ZPLD1: variants seen among roughly 807,000 people sequenced by gnomAD.
ZPLD1 encodes the protein zona pellucida like domain containing 1.
Under a neutral mutation model 47.2 loss-of-function variants are expected in ZPLD1, and 34 were observed. The observed-to-expected ratio is 0.72, with a 90% CI of 0.55 to 0.96. ZPLD1 has a LOEUF of 0.96. Ranked by LOEUF, ZPLD1 falls within the 40% of genes least tolerant of loss-of-function variation. The pLI, the probability that ZPLD1 is intolerant of heterozygous loss-of-function variation, is 0.00. For missense variants in ZPLD1, 512 were observed against 505.8 expected, an observed-to-expected ratio of 1.01 and a Z score of -0.12; for synonymous variants, 176 against 186.2, an observed-to-expected ratio of 0.95 and a Z score of 0.45.
chr3:102,388,342 C>T lies in ZPLD1; in HGVS notation c.-213+3025C>T, dbSNP rs1706456315. Among the ~76,000 whole-genome samples, 3 of 151,950 alleles carry T rather than the reference C, an allele frequency of 2.0e-5. No homozygotes were observed. The South Asian group carries it at 6.2e-4, about 31-fold the overall frequency. On this transcript the variant is annotated intron_variant, in intron 6 of 17. Coordinates refer to the ZPLD1 transcript ENST00000491959. Reference sequence around the variant, plus strand: ...GTAATTTTTGGCAATGTTTTACAATCTTTATCTTCAATTATTTTATAACTT... The same window carrying T: ...GTAATTTTTGGCAATGTTTTACAATTTTTATCTTCAATTATTTTATAACTT...
At chr3:102,416,209 C>T (rs1706802674) in intron 7 of ZPLD1, among the ~76,000 whole-genome samples, 2 of 151,810 alleles carry the variant, frequency 1.3e-5, no homozygotes, top group Non-Finnish European at 2.9e-5. Context: ...AAAATAGTAA[C>T]AAATAATGTC....
chr3:102,411,867 T>G lies in ZPLD1; in HGVS notation c.-156-6193T>G, dbSNP rs139858098. The stretch of plus-strand genomic sequence containing the variant: ...AACCAATAGGGTATATCTCTGTCGA[T>G]CTCAATGTCTTAATGTCTCTCTATC... On this transcript the variant is annotated intron_variant, in intron 7 of 17. Coordinates refer to the ZPLD1 transcript ENST00000491959. 9.4e-3 allele frequency among the ~76,000 whole-genome samples: 1,425 copies of G among 151,906 alleles called. 24 individuals carry two copies. Among genetic ancestry groups the G allele is most frequent in the African/African-American group, 0.033 (1,368 of 41,492 alleles).
intron 7 of ZPLD1, among the ~76,000 whole-genome samples, chr3:102,392,446 C>A (rs1402225857): frequency 6.6e-6 from 1 of 151,990 alleles, no homozygotes; most frequent in Non-Finnish European, 1.5e-5. Flanking sequence ...CTATAGAGTT[C>A]CAAGGTGGTG....
intron 4 of ZPLD1, 54 bp from the exon 5 acceptor site, chr3:102,456,139 C>T (rs1180033253): frequency 2.7e-6 from 4 of 1,458,806 alleles, no homozygotes; most frequent in African/African-American, 2.8e-5. Flanking sequence ...ATATGAAGTG[C>T]CTAGATGTAT....
chr3:102,417,431 A>G (rs1034056008), intron 7 of ZPLD1, among the ~76,000 whole-genome samples: 1 of 151,850 alleles, frequency 6.6e-6, no homozygotes, highest in African/African-American at 2.4e-5. Flanking sequence ...TAGCTTATGG[A>G]GTGGAATGCT....
intron 3 of ZPLD1, among the ~76,000 whole-genome samples, chr3:102,446,705 A>G (rs1707260567): frequency 1.3e-5 from 2 of 152,274 alleles, no homozygotes; most frequent in Non-Finnish European, 1.5e-5. Flanking sequence ...AGTTGGAACT[A>G]TTTTATTTCT....
intron 11 of ZPLD1, 96 bp from the exon 12 acceptor site, chr3:102,477,347 G>A (rs1396360256): frequency 1.6e-6 from 2 of 1,233,912 alleles, no homozygotes; most frequent in Non-Finnish European, 2.3e-6. Context: ...TATTCTATGA[G>A]ATGCTGATGA....
At chr3:102,415,858 G>T (rs1239218670) in intron 7 of ZPLD1, among the ~76,000 whole-genome samples, 1 of 151,816 alleles carries the variant, frequency 6.6e-6, no homozygotes, top group Non-Finnish European at 1.5e-5. Context: ...ATAGTTACCA[G>T]TCAGACTGCC....
chr3:102,467,788 A>C (rs1707619824), intron 8 of ZPLD1, among the ~76,000 whole-genome samples: 2 of 151,886 alleles, frequency 1.3e-5, no homozygotes, highest in Admixed American at 1.3e-4. Context: ...AAATACTAGA[A>C]GCCACAAAAT....
chr3:102,473,941 C>A (rs1707721587), intron 10 of ZPLD1, among the ~76,000 whole-genome samples: 1 of 152,138 alleles, frequency 6.6e-6, no homozygotes. Context: ...CTCTTCAAAG[C>A]TCTCTGATGC....
At chr3:102,401,893 GC>G (rs1223170395) in intron 7 of ZPLD1, among the ~76,000 whole-genome samples, 1 of 151,940 alleles carries the variant, frequency 6.6e-6, no homozygotes, top group Non-Finnish European at 1.5e-5. Context: ...ACTCCACAAA[GC>G]TTTTTGTCTC....
rs140448741 is a variant in ZPLD1, at chr3:102,403,434, C to G, written c.-157+11209C>G. 2.5e-3 allele frequency among the ~76,000 whole-genome samples: 387 copies of G among 152,056 alleles called. 2 individuals carry two copies. The highest frequency in any genetic ancestry group is 8.9e-3 in the African/African-American group (369 of 41,532). ...ACCTCTTCAACATATATGTAACTAT[C>G]ATGAATTGGTGGAGAAAGAATCAGT... is the stretch of plus-strand genomic sequence containing the variant. On this transcript the variant is annotated intron_variant, in intron 7 of 17. Transcript: ENST00000491959.
chr3:102,470,914 G>A (rs1241017739), intron 10 of ZPLD1, among the ~76,000 whole-genome samples: 1 of 152,026 alleles, frequency 6.6e-6, no homozygotes, highest in Non-Finnish European at 1.5e-5. Context: ...GGGTAGCTGA[G>A]ATTACAGGCG....
chr3:102,452,143 GTGTGT>G (rs1707347691), intron 3 of ZPLD1, among the ~76,000 whole-genome samples: 2 of 151,284 alleles, frequency 1.3e-5, no homozygotes, highest in Admixed American at 1.3e-4. Flanking sequence ...GTGTGTGTGT[GTGTGT>G]GTGTGTGTGC....
chr3:102,392,401 T>G (rs559727244), intron 7 of ZPLD1, among the ~76,000 whole-genome samples: 1 of 152,288 alleles, frequency 6.6e-6, no homozygotes, highest in South Asian at 2.1e-4. Context: ...CAAGGGACCA[T>G]AAATGATGAG....
intron 6 of ZPLD1, among the ~76,000 whole-genome samples, chr3:102,459,393 T>A (rs1222009276): frequency 6.6e-6 from 1 of 152,160 alleles, no homozygotes; most frequent in Non-Finnish European, 1.5e-5. Context: ...CATGTAATGA[T>A]ACTATTATTT....
upstream of ZPLD1, among the ~76,000 whole-genome samples, chr3:102,432,224 G>T (rs1707024178): frequency 6.6e-6 from 1 of 152,186 alleles, no homozygotes; most frequent in Non-Finnish European, 1.5e-5. Flanking sequence ...AGGTTTGAGT[G>T]AGTGATGCAG....
At chr3:102,464,591 A>G (rs947588361) in intron 8 of ZPLD1, among the ~76,000 whole-genome samples, 5 of 152,224 alleles carry the variant, frequency 3.3e-5, no homozygotes, top group Admixed American at 1.3e-4. Flanking sequence ...AATAGAGGTT[A>G]CTATTTATCT....
chr3:102,431,730 G>A (rs932733758), upstream of ZPLD1, among the ~76,000 whole-genome samples: 3 of 152,128 alleles, frequency 2.0e-5, no homozygotes, highest in African/African-American at 7.2e-5. Context: ...CCAACATGGT[G>A]AAACCCCGTC....
Sources: allele counts gnomAD v4.1 joint callset (sites outside exome capture counted in the v4.1 genomes callset), GRCh38; gene constraint gnomAD v4.1.1; transcripts MANE v1.5; gene names NCBI Gene and HGNC (gene_info 2026-07-23, HGNC 2026-07-21).